CASZ1: variants seen among roughly 807,000 people sequenced by gnomAD.
The protein encoded by CASZ1 is castor zinc finger 1.
A neutral mutation model predicts 135.2 loss-of-function variants in CASZ1; 28 were observed. The observed-to-expected ratio is 0.21, with a 90% CI of 0.15 to 0.28. The LOEUF (loss-of-function observed/expected upper bound fraction) is 0.28. Among genes scored for constraint, CASZ1 ranks in the 10% least tolerant of loss-of-function variants. CASZ1 has a pLI of 1.00. For synonymous variants in CASZ1, 1,068 were observed against 1,073.4 expected (o/e 0.99, Z 0.10); for missense variants, 2,161 against 2,453.3 (o/e 0.88, Z 2.52).
Position 10,647,872 on chromosome 1 carries a change from C to T in CASZ1, c.3426G>A (p.Ser1142=), listed in dbSNP as rs61736954. The part of the protein sequence containing the change: ...IPASVPHLPA[S]PLATTSLENA... ...TCTCTAGAGAAGTCGTTGCCAAGGG[C>T]GAGGCGGGCAGGTGAGGCACTGACG... Residue 1142 remains serine (S), a synonymous_variant, in exon 16 of 21, where the codon TCG becomes TCA. Coordinates refer to ENST00000377022, the MANE Select transcript of CASZ1 (RefSeq NM_001079843.3). This position sits in a 1 kb window ranked among gnomAD's most constrained non-coding sequence, Gnocchi z 4.9. The T allele has an allele frequency of 2.4e-3, 3,905 of 1,613,752 alleles. 90 individuals are homozygous for T. The African/African-American group carries it at 0.046, about 19-fold the overall frequency.
chr1:10,793,062 T>C (rs1040169200), intron 1 of CASZ1, among the ~76,000 whole-genome samples: 3 of 152,068 alleles, frequency 2.0e-5, no homozygotes, highest in African/African-American at 7.2e-5. Context: ...TATTAATAAG[T>C]GTGAAAAAAA....
In CASZ1 at chr1:10,746,087, T is replaced by C. The variant is rs192751962; in HGVS notation, c.-77+14614A>G. On this transcript the variant is annotated intron_variant, in intron 2 of 20. Coordinates refer to ENST00000377022, the MANE Select transcript of CASZ1 (RefSeq NM_001079843.3). The stretch of plus-strand genomic sequence containing the variant: ...ACTGGGACAGAGTCAACAGATGACC[T>C]GCCTGTCGTCATCATAGAGTGGCCT... Among the ~76,000 whole-genome samples the C allele has an allele frequency of 2.2e-4, 33 of 152,346 alleles. No homozygotes were observed. In the East Asian group the frequency reaches 6.4e-3, roughly 29 times the overall value.
At chr1:10,686,667 C>T (rs953044777) in intron 4 of CASZ1, among the ~76,000 whole-genome samples, 8 of 152,214 alleles carry the variant, frequency 5.3e-5, no homozygotes, top group East Asian at 1.9e-4. Flanking sequence ...TTTGACTCAC[C>T]GCCTTATTGC....
rs1030341954 is a variant in CASZ1 at position 10,755,376 on chromosome 1, C to T, written c.-77+5325G>A. On this transcript the variant is annotated intron_variant, in intron 2 of 20. Coordinates refer to ENST00000377022, the MANE Select transcript of CASZ1 (RefSeq NM_001079843.3). This position sits in a 1 kb window ranked among gnomAD's most constrained non-coding sequence, Gnocchi z 4.3. The stretch of plus-strand genomic sequence containing the variant: ...GGACTCCTCCATGTGTGAGACCTGA[C>T]GTCGCCTCTCCAATGCCAGCCTCTC... Among the ~76,000 whole-genome samples, 11 of 152,216 alleles carry T rather than the reference C, an allele frequency of 7.2e-5. No homozygotes were observed. Among genetic ancestry groups the T allele is most frequent in the African/African-American group, 1.4e-4 (6 of 41,454 alleles).
intron 1 of CASZ1, among the ~76,000 whole-genome samples, chr1:10,787,587 G>C (rs1414562915): frequency 6.6e-6 from 1 of 152,114 alleles, no homozygotes; most frequent in African/African-American, 2.4e-5. Context: ...GCTGGGGAAG[G>C]GTGCCAGCCT....
rs116441097 is a variant in CASZ1 at position 10,702,018 on chromosome 1, T to C, written c.-24+3474A>G. On this transcript the variant is annotated intron_variant, in intron 3 of 20. Coordinates refer to ENST00000377022, the MANE Select transcript of CASZ1 (RefSeq NM_001079843.3). ...TCTGTCTTCCTTTGCGGACAGCAGG[T>C]GGATCCACTCAGAGCTACTGCCAAA... 8.0e-3 allele frequency among the ~76,000 whole-genome samples: 1,222 copies of C among 152,286 alleles called. 20 individuals are homozygous for C. Among genetic ancestry groups the C allele is most frequent in the African/African-American group, 0.028 (1,160 of 41,550 alleles).
intron 2 of CASZ1, among the ~76,000 whole-genome samples, chr1:10,738,336 G>A (rs534987111): frequency 3.9e-5 from 6 of 152,312 alleles, no homozygotes; most frequent in Admixed American, 1.3e-4. Context: ...CAGGAAACCC[G>A]GAAGGACGCA....
intron 1 of CASZ1, among the ~76,000 whole-genome samples, chr1:10,780,688 A>G (rs898795268): frequency 2.0e-5 from 3 of 152,156 alleles, no homozygotes; most frequent in Admixed American, 2.0e-4. Flanking sequence ...TCTATTTTCA[A>G]AAACTGTTTA....
In CASZ1 at chr1:10,726,700, C is replaced by T. The variant is rs1639604404; in HGVS notation, c.-76-21156G>A. On this transcript the variant is annotated intron_variant, in intron 2 of 20. Transcript: ENST00000377022. This position sits in a 1 kb window ranked among gnomAD's most constrained non-coding sequence, Gnocchi z 5.7. ...TAGCATTCCTTTCCTGCAGGAGCTG[C>T]CCAGGGCACCCAGGAAAGGAGACAT... Among the ~76,000 whole-genome samples, 1 of 152,172 alleles carries T rather than the reference C, an allele frequency of 6.6e-6. No homozygotes were observed. Among genetic ancestry groups the T allele is most frequent in the Non-Finnish European group, 1.5e-5 (1 of 68,022 alleles).
chr1:10,743,241 G>C (rs1028617389), intron 2 of CASZ1, among the ~76,000 whole-genome samples: 3 of 151,986 alleles, frequency 2.0e-5, no homozygotes, highest in Admixed American at 6.5e-5. Flanking sequence ...GCGAAATCAG[G>C]GTCCAGTTAG....
chr1:10,717,476 T>C lies in CASZ1; in HGVS notation c.-76-11932A>G, dbSNP rs1639415805. Among the ~76,000 whole-genome samples, 1 of 152,168 alleles carries C rather than the reference T, an allele frequency of 6.6e-6. No homozygotes were observed. Among genetic ancestry groups the C allele is most frequent in the Admixed American group, 6.5e-5 (1 of 15,282 alleles). ...CACCCTGCTAAATAAAGCTTTGGTA[T>C]TTCTGATAAAGCCATCAAATTCCTT... On this transcript the variant is annotated intron_variant, in intron 2 of 20. Transcript: ENST00000377022. This position sits in a 1 kb window ranked among gnomAD's most constrained non-coding sequence, Gnocchi z 4.6.
chr1:10,739,813 G>A lies in CASZ1; in HGVS notation c.-77+20888C>T, dbSNP rs968005280. On this transcript the variant is annotated intron_variant, in intron 2 of 20. Coordinates refer to ENST00000377022, the MANE Select transcript of CASZ1 (RefSeq NM_001079843.3). The surrounding 1 kb of genome is among the most constrained non-coding windows in gnomAD (Gnocchi z 4.8). ...ATGCCTTTTGCCACCTCCCCCACTG[G>A]TCCTGGCTCTTCCTTCCCCGCTGAA... is the stretch of plus-strand genomic sequence containing the variant. Among the ~76,000 whole-genome samples the A allele has an allele frequency of 6.6e-6, 1 of 152,120 alleles. No homozygotes were observed. The highest frequency in any genetic ancestry group is 1.5e-5 in the Non-Finnish European group (1 of 68,024).
chr1:10,680,308 G>A (rs2100356015), intron 4 of CASZ1, among the ~76,000 whole-genome samples: 1 of 151,564 alleles, frequency 6.6e-6, no homozygotes, highest in Non-Finnish European at 1.5e-5. Flanking sequence ...GGGGGTGCGA[G>A]GCCGGCTCTG....
chr1:10,762,105 C>T lies in CASZ1; in HGVS notation c.-233-1248G>A, dbSNP rs940562146. ...CTTGCAGGAGTGCACGAACCCCTCC[C>T]CTCCTGCCTCCCAAGGTTGGACCTG... is the stretch of plus-strand genomic sequence containing the variant. On this transcript the variant is annotated intron_variant, in intron 1 of 20. Coordinates refer to ENST00000377022, the MANE Select transcript of CASZ1 (RefSeq NM_001079843.3). The surrounding 1 kb of genome is among the most constrained non-coding windows in gnomAD (Gnocchi z 4.1). Among the ~76,000 whole-genome samples, 1 of 152,174 alleles carries T rather than the reference C, an allele frequency of 6.6e-6. No homozygotes were observed. Among genetic ancestry groups the T allele is most frequent in the African/African-American group, 2.4e-5 (1 of 41,430 alleles).
At chr1:10,748,450 G>C (rs953061718) in intron 2 of CASZ1, among the ~76,000 whole-genome samples, 1 of 152,228 alleles carries the variant, frequency 6.6e-6, no homozygotes, top group Non-Finnish European at 1.5e-5. Context: ...TCCGGTCACA[G>C]GCATTTTAGA....
chr1:10,639,853 A>G lies in CASZ1; in HGVS notation c.4369T>C (p.Tyr1457His). The G allele has an allele frequency of 6.2e-7, 1 of 1,612,100 alleles. No individual in the cohort carries two copies. The highest frequency in any genetic ancestry group is 8.5e-7 in the Non-Finnish European group (1 of 1,179,606). The change falls in exon 21 of 21, where the codon TAC becomes CAC. Residue 1457 changes from tyrosine (Y) to histidine (H), a missense_variant. This residue lies in a region of CASZ1 where 240 missense variants were observed against 321.4 expected (regional missense o/e 0.75). Transcript: ENST00000377022. The surrounding 1 kb of genome is among the most constrained non-coding windows in gnomAD (Gnocchi z 4.0). The stretch of plus-strand genomic sequence containing the variant: ...CCGCAGTTCTCGCGCGTGCAGTGGT[A>G]GTGGGTGACCTTGAGCGAGAACTGA... ...ACQFSLKVTHYHCTRENCGYK... is the reference protein window; with the variant it reads ...ACQFSLKVTHHHCTRENCGYK...
chr1:10,664,546 GA>G (rs1643164368), intron 5 of CASZ1, among the ~76,000 whole-genome samples: 1 of 152,150 alleles, frequency 6.6e-6, no homozygotes, highest in African/African-American at 2.4e-5. Flanking sequence ...GAGGGCCAGG[GA>G]CAGCGGTGTA....
intron 1 of CASZ1, among the ~76,000 whole-genome samples, chr1:10,791,578 T>A (rs1384136253): frequency 6.6e-6 from 1 of 152,210 alleles, no homozygotes; most frequent in Admixed American, 6.5e-5. Flanking sequence ...TGGACTGCAC[T>A]GCTGAGGGCT....
At chr1:10,796,400 T>G (rs767523784) in intron 1 of CASZ1, among the ~76,000 whole-genome samples, 164 bp downstream of exon 1, 2 of 152,046 alleles carry the variant, frequency 1.3e-5, no homozygotes, top group African/African-American at 2.4e-5. Flanking sequence ...GCTGGCTGGC[T>G]GGCTCGCTCG....
Sources: gnomAD v4.1 joint callset for allele counts (sites outside exome capture counted in the v4.1 genomes callset) on GRCh38, gnomAD v4.1.1 for gene constraint, gnomAD v4.1.1 regional missense constraint, Gnocchi (gnomAD v3.1) non-coding constraint, MANE v1.5 for transcripts, NCBI Gene and HGNC (gene_info 2026-07-23, HGNC 2026-07-21) for gene names.